RNF157: variants seen among roughly 807,000 people sequenced by gnomAD.
The protein encoded by RNF157 is ring finger protein 157, also known as E3 ubiquitin ligase RNF157.
A neutral mutation model predicts 88.3 loss-of-function variants in RNF157; 55 were observed. The ratio of observed to expected loss-of-function variants is 0.62; its 90% CI spans 0.50 to 0.78. The LOEUF (loss-of-function observed/expected upper bound fraction) is 0.78. Ranked by LOEUF, RNF157 falls within the 30% of genes least tolerant of loss-of-function variation. RNF157 has a pLI of 0.00. For missense variants in RNF157, 788 were observed against 860.8 expected, an observed-to-expected ratio of 0.92 and a Z score of 1.06; for synonymous variants, 334 against 341.2, an observed-to-expected ratio of 0.98 and a Z score of 0.23.
chr17:76,166,430 C>T (rs773836548), intron 6 of RNF157, 31 bp downstream of exon 6: 10 of 1,588,084 alleles, frequency 6.3e-6, no homozygotes, highest in Non-Finnish European at 8.6e-6. Flanking sequence ...GAGCAGTGTG[C>T]ACAGCCAAAG....
At chr17:76,181,220 G>A (rs1176196153) in intron 2 of RNF157, among the ~76,000 whole-genome samples, 3 of 152,098 alleles carry the variant, frequency 2.0e-5, no homozygotes, top group Non-Finnish European at 2.9e-5. Context: ...AGAGTTCGGG[G>A]AGTCTGAAAG....
At chr17:76,164,697 AAAGG>A in intron 8 of RNF157, 47 bp downstream of exon 8, 1 of 1,140,630 alleles carries the variant, frequency 8.8e-7, no homozygotes, top group Non-Finnish European at 1.3e-6. Flanking sequence ...GGAAAGAATA[AAAGG>A]AAGGAAGGAC....
In RNF157 at chr17:76,143,002, G is replaced by A. The variant is rs905790788; in HGVS notation, c.*2233C>T. On this transcript the variant is annotated 3_prime_UTR_variant, in exon 19 of 19. Coordinates refer to ENST00000269391, the MANE Select transcript of RNF157 (RefSeq NM_052916.3). ...GTGACTGTCTCCAGATGAAGGACTG[G>A]GGCAAAAGGGTTGGCCACTGACCTG... is the stretch of plus-strand genomic sequence containing the variant. 6.6e-6 allele frequency: 1 copy of A among 152,244 alleles called. No homozygotes were observed. Among genetic ancestry groups the A allele is most frequent in the Non-Finnish European group, 1.5e-5 (1 of 68,094 alleles). The allele number at this position is 152,244 out of a possible 1,614,324, so 9.4% of individuals were successfully genotyped here.
chr17:76,240,222 G>C lies in RNF157; in HGVS notation c.19C>G (p.Arg7Gly). 3 of 1,378,240 alleles carry C rather than the reference G, an allele frequency of 2.2e-6. No individual in the cohort carries two copies. Among genetic ancestry groups the C allele is most frequent in the Middle Eastern group, 1.9e-4 (1 of 5,138 alleles). 85.4% of individuals were successfully genotyped at this position (1,378,240 alleles called of 1,614,324 possible). The change falls in exon 1 of 19, where the codon CGG becomes GGG. Residue 7 changes from arginine to glycine, a missense_variant. By Grantham distance (125) the Arg-to-Gly change is moderately radical (BLOSUM62 -2). Transcript: ENST00000269391. This position sits in a 1 kb window ranked among gnomAD's most constrained non-coding sequence, Gnocchi z 4.4. MGALTS[R>G]QHAGVEEVDI... ...ACCTCCTCCACGCCCGCGTGCTGCC[G>C]GCTCGTCAGGGCCCCCATGGCCGCT... is the stretch of plus-strand genomic sequence containing the variant.
At chr17:76,183,688 C>T (rs1261591900) in intron 2 of RNF157, among the ~76,000 whole-genome samples, 1 of 152,048 alleles carries the variant, frequency 6.6e-6, no homozygotes, top group Admixed American at 6.6e-5. Context: ...TAGCTTTCTA[C>T]ATTTATTAGC....
chr17:76,182,382 A>G (rs960030046), intron 2 of RNF157, among the ~76,000 whole-genome samples: 2 of 152,026 alleles, frequency 1.3e-5, no homozygotes, highest in African/African-American at 2.4e-5. Flanking sequence ...AAATTGCCAG[A>G]CCATGCCCAA....
intron 1 of RNF157, among the ~76,000 whole-genome samples, chr17:76,229,724 A>C (rs993945198): frequency 1.4e-4 from 22 of 152,214 alleles, no homozygotes; most frequent in Non-Finnish European, 1.2e-4. Flanking sequence ...GATGCACCTT[A>C]ATGAGCTACT....
rs2068580693 is a variant in RNF157, at chr17:76,146,054, C to T, written c.1922-701G>A. ...CCGCTCCCCAAATCTGCTGCTGCCC[C>T]CACATGAGGAGTGCCAGCGCCTGTC... On this transcript the variant is annotated intron_variant, in intron 18 of 18. Transcript: ENST00000269391. This position sits in a 1 kb window ranked among gnomAD's most constrained non-coding sequence, Gnocchi z 4.2. 6.6e-6 allele frequency among the ~76,000 whole-genome samples: 1 copy of T among 152,210 alleles called. No individual in the cohort carries two copies. The highest frequency in any genetic ancestry group is 1.5e-5 in the Non-Finnish European group (1 of 68,038).
Position 76,154,346 on chromosome 17 carries a change from C to T in RNF157, c.1765-18G>A. On this transcript the variant is annotated intron_variant, in intron 16 of 18. Transcript: ENST00000269391. ...TCATTTCCCTAGGACAGAAGGAAGG[C>T]CCTGTGAGTCTATGAAGCGGCAAAA... 6.3e-7 allele frequency: 1 copy of T among 1,598,644 alleles called. No homozygotes were observed.
intron 2 of RNF157, among the ~76,000 whole-genome samples, chr17:76,201,065 A>G (rs772676828): frequency 5.3e-5 from 8 of 152,114 alleles, no homozygotes; most frequent in Non-Finnish European, 8.8e-5. Flanking sequence ...CCTACTTCTA[A>G]ATATTCTTCT....
At chr17:76,166,636 GCTC>G in intron 5 of RNF157, 109 bp from the exon 6 acceptor site, 2 of 907,134 alleles carry the variant, frequency 2.2e-6, no homozygotes, top group Admixed American at 4.2e-5. Context: ...TCTCATCTCT[GCTC>G]CTCATTCTTT....
intron 1 of RNF157, among the ~76,000 whole-genome samples, chr17:76,231,501 T>G (rs1167660183): frequency 6.6e-6 from 1 of 152,212 alleles, no homozygotes; most frequent in Non-Finnish European, 1.5e-5. Flanking sequence ...TCTCACCACG[T>G]TGACTGGGCT....
chr17:76,182,857 T>C (rs577247429), intron 2 of RNF157, among the ~76,000 whole-genome samples: 1 of 133,284 alleles, frequency 7.5e-6, no homozygotes, highest in Non-Finnish European at 1.6e-5. Context: ...ATATATAGGA[T>C]ATATATATCC....
intron 2 of RNF157, among the ~76,000 whole-genome samples, chr17:76,175,224 T>C (rs1372276860): frequency 1.3e-5 from 2 of 152,340 alleles, no homozygotes; most frequent in East Asian, 1.9e-4. Flanking sequence ...AATAGCATAC[T>C]TTAATCAATT....
chr17:76,223,229 C>A (rs1448213489), intron 1 of RNF157, among the ~76,000 whole-genome samples: 1 of 149,528 alleles, frequency 6.7e-6, no homozygotes, highest in Admixed American at 6.7e-5. Context: ...ACTCTGTCAC[C>A]CAGGCTGGAG....
intron 1 of RNF157, among the ~76,000 whole-genome samples, chr17:76,237,864 T>C (rs962944685): frequency 7.9e-5 from 12 of 152,078 alleles, no homozygotes; most frequent in African/African-American, 2.9e-4. Context: ...GCGGATCACC[T>C]GAGAGGTCAG....
At chr17:76,214,606 G>C (rs1012795576) in intron 1 of RNF157, among the ~76,000 whole-genome samples, 5 of 152,152 alleles carry the variant, frequency 3.3e-5, no homozygotes, top group Non-Finnish European at 7.4e-5. Context: ...TGTAAAATAA[G>C]GGGACAATTT....
intron 2 of RNF157, among the ~76,000 whole-genome samples, chr17:76,181,830 C>G (rs778776625): frequency 1.6e-4 from 24 of 148,618 alleles, no homozygotes; most frequent in Non-Finnish European, 3.0e-4. Flanking sequence ...ATCACTTGAA[C>G]CCAGGAGGCA....
intron 2 of RNF157, among the ~76,000 whole-genome samples, chr17:76,177,545 G>A (rs1057299116): frequency 1.3e-5 from 2 of 151,932 alleles, no homozygotes; most frequent in African/African-American, 4.8e-5. Flanking sequence ...AGGCGAGGGG[G>A]TGCTGAGGGC....
Sources: allele counts gnomAD v4.1 joint callset (sites outside exome capture counted in the v4.1 genomes callset), GRCh38; gene constraint gnomAD v4.1.1; non-coding constraint Gnocchi (gnomAD v3.1); transcripts MANE v1.5; gene names NCBI Gene and HGNC (gene_info 2026-07-23, HGNC 2026-07-21).